The following TOM1L2 variants were observed in gnomAD, a reference collection of about 807,000 sequenced individuals.
TOM1L2 encodes target of myb1 like 2 membrane trafficking protein.
A neutral mutation model predicts 67.9 loss-of-function variants in TOM1L2; 31 were observed. That is an observed-to-expected ratio of 0.46 (90% CI 0.34 to 0.62). The LOEUF is 0.62. TOM1L2 is among the 20% of genes least tolerant of loss of function. TOM1L2 has a pLI of 0.01. For synonymous variants in TOM1L2, 256 were observed against 254.0 expected (o/e 1.01, Z -0.07); for missense variants, 606 against 663.5 (o/e 0.91, Z 0.95).
chr17:17,873,103 A>T (rs2037237363), intron 7 of TOM1L2, among the ~76,000 whole-genome samples: 1 of 152,224 alleles, frequency 6.6e-6, no homozygotes. Context: ...GAAGTTGGCC[A>T]TCTGCCTGCA....
chr17:17,919,101 A>G (rs1471794042), intron 1 of TOM1L2, among the ~76,000 whole-genome samples: 1 of 152,178 alleles, frequency 6.6e-6, no homozygotes, highest in Non-Finnish European at 1.5e-5. Context: ...GGTGAGTTCT[A>G]GTTCTGCCAA....
chr17:17,917,095 G>C (rs1183055028), intron 1 of TOM1L2, among the ~76,000 whole-genome samples: 3 of 152,162 alleles, frequency 2.0e-5, no homozygotes, highest in Non-Finnish European at 2.9e-5. Flanking sequence ...AGCAGGCAGA[G>C]GTTGCAATGA....
chr17:17,848,644 C>T (rs1179705333), intron 14 of TOM1L2, among the ~76,000 whole-genome samples, 179 bp downstream of exon 14: 2 of 152,258 alleles, frequency 1.3e-5, no homozygotes, highest in Admixed American at 1.3e-4. Context: ...AGATAAATCA[C>T]ACTTCCCAAA....
At chr17:17,857,475 T>C (rs8079321) in intron 12 of TOM1L2, among the ~76,000 whole-genome samples, 86,255 of 151,902 alleles carry the variant, frequency 0.57, 25,388 homozygotes, top group Non-Finnish European at 0.63. Context: ...TGAATACTGC[T>C]CGGAGCTCCG....
intron 1 of TOM1L2, among the ~76,000 whole-genome samples, chr17:17,925,179 A>G (rs1444864927): frequency 6.6e-6 from 1 of 151,880 alleles, no homozygotes; most frequent in Non-Finnish European, 1.5e-5. Flanking sequence ...AGCCAAATAA[A>G]CCTCTTTTAT....
At chr17:17,894,975 A>ACATGCATGCATGCATGCATGCATG (rs34865538) in intron 3 of TOM1L2, among the ~76,000 whole-genome samples, 1 of 147,692 alleles carries the variant, frequency 6.8e-6, no homozygotes. Flanking sequence ...ATACATACAT[A>ACATGCATGCATGCATGCATGCATG]CATGCATGCA....
intron 3 of TOM1L2, 67 bp downstream of exon 3, chr17:17,898,529 A>AG: frequency 1.9e-6 from 3 of 1,541,716 alleles, no homozygotes; most frequent in Middle Eastern, 1.9e-4. Flanking sequence ...AGGCCCTGTG[A>AG]GGGGGGCAAG....
At chr17:17,918,730 T>C (rs2039734604) in intron 1 of TOM1L2, among the ~76,000 whole-genome samples, 2 of 152,190 alleles carry the variant, frequency 1.3e-5, no homozygotes, top group South Asian at 4.1e-4. Flanking sequence ...CACCTGATAG[T>C]ACAGTTCACA....
intron 1 of TOM1L2, among the ~76,000 whole-genome samples, chr17:17,923,012 A>AT (rs1234259628): frequency 6.6e-6 from 1 of 152,232 alleles, no homozygotes; most frequent in Non-Finnish European, 1.5e-5. Flanking sequence ...GAACAAGGCT[A>AT]TAAAAAGGCC....
intron 10 of TOM1L2, among the ~76,000 whole-genome samples, 158 bp downstream of exon 10, chr17:17,866,138 A>G (rs11078401): frequency 0.98 from 149,945 of 152,320 alleles, 73,814 homozygotes; most frequent in East Asian, 1. Context: ...ATGAATTGAA[A>G]GTAAGGTGGT....
chr17:17,845,729 A>G lies in TOM1L2; in HGVS notation c.*1906T>C, dbSNP rs2035610116. On this transcript the variant is annotated 3_prime_UTR_variant, in exon 15 of 15. Transcript: ENST00000379504. ...TCCCAGCCACCTTTTCTGCAGCTCA[A>G]GTGAAGCCAGCTAACTTCAGCAGTC... 6.6e-6 allele frequency: 1 copy of G among 152,006 alleles called. No homozygotes were observed. Among genetic ancestry groups the G allele is most frequent in the Non-Finnish European group, 1.5e-5 (1 of 68,080 alleles). The allele number at this position is 152,006 out of a possible 1,614,324, so 9.4% of individuals were successfully genotyped here.
At position 17,907,463 on chromosome 17, in the gene TOM1L2, T is replaced by G; in HGVS notation, c.121A>C (p.Asn41His). 1 of 1,614,116 alleles carries G rather than the reference T, an allele frequency of 6.2e-7. No individual in the cohort carries two copies. The highest frequency in any genetic ancestry group is 8.5e-7 in the Non-Finnish European group (1 of 1,179,974). The change falls in exon 2 of 15, where the codon AAT (asparagine) becomes CAT (histidine). Residue 41 changes from asparagine (N) to histidine (H), a missense_variant. Asn to His is a moderately conservative substitution (Grantham distance 68). Transcript: ENST00000379504. ...TLNMEICDII[N>H]ETEEGPKDAI... ...CACACGTACCCTTCCTCCGTCTCAT[T>G]GATGATGTCACAGATCTCCATATTC... is the stretch of plus-strand genomic sequence containing the variant.
chr17:17,942,272 T>C (rs947074815), intron 1 of TOM1L2, among the ~76,000 whole-genome samples: 1 of 152,160 alleles, frequency 6.6e-6, no homozygotes, highest in East Asian at 1.9e-4. Context: ...CAAGGCCACA[T>C]TGCAAGGTTC....
chr17:17,854,680 A>G lies in TOM1L2; in HGVS notation c.1279-3728T>C, dbSNP rs1014638429. Among the ~76,000 whole-genome samples, 9 of 149,204 alleles carry G rather than the reference A, an allele frequency of 6.0e-5. No homozygotes were observed. The South Asian group carries it at 1.9e-3, about 32-fold the overall frequency. ...GCTGGGATTACAGGCGTGAGCCACC[A>G]CACCTGCCTAATTTTTTTTTTTTTT... On this transcript the variant is annotated intron_variant, in intron 12 of 14. Coordinates refer to ENST00000379504, the MANE Select transcript of TOM1L2 (RefSeq NM_001082968.2).
At chr17:17,933,478 T>G (rs2040409564) in intron 1 of TOM1L2, among the ~76,000 whole-genome samples, 1 of 152,156 alleles carries the variant, frequency 6.6e-6, no homozygotes, top group South Asian at 2.1e-4. Flanking sequence ...TGTGGAACAG[T>G]GTCTACTGCA....
chr17:17,917,628 C>A (rs2039686121), intron 1 of TOM1L2, among the ~76,000 whole-genome samples: 1 of 151,726 alleles, frequency 6.6e-6, no homozygotes, highest in Non-Finnish European at 1.5e-5. Flanking sequence ...GATTTCATTA[C>A]ATCTGTAGAT....
chr17:17,875,002 A>AGAGGCGGC (rs2037350682), intron 7 of TOM1L2, among the ~76,000 whole-genome samples: 3 of 152,112 alleles, frequency 2.0e-5, no homozygotes, highest in Non-Finnish European at 4.4e-5. Flanking sequence ...CACACCTGTA[A>AGAGGCGGC]TCTCAGCACT....
At chr17:17,936,108 C>A (rs2040504994) in intron 1 of TOM1L2, among the ~76,000 whole-genome samples, 1 of 152,228 alleles carries the variant, frequency 6.6e-6, no homozygotes, top group Non-Finnish European at 1.5e-5. Flanking sequence ...TTGCTCCTGC[C>A]CTGTCTTCCT....
At chr17:17,884,365 T>C (rs2037882732) in intron 5 of TOM1L2, among the ~76,000 whole-genome samples, 1 of 152,194 alleles carries the variant, frequency 6.6e-6, no homozygotes, top group Non-Finnish European at 1.5e-5. Flanking sequence ...CCTCACAGGA[T>C]GGCTCCGCCC....
Sources: gnomAD v4.1 joint callset for allele counts (sites outside exome capture counted in the v4.1 genomes callset) on GRCh38, gnomAD v4.1.1 for gene constraint, MANE v1.5 for transcripts, NCBI Gene and HGNC (gene_info 2026-07-23, HGNC 2026-07-21) for gene names.